Variants in ATF6 observed in about 807,000 individuals in gnomAD.
ATF6 encodes cyclic AMP-dependent transcription factor ATF-6 alpha.
A neutral mutation model predicts 83.6 loss-of-function variants in ATF6; 53 were observed. That is an observed-to-expected ratio of 0.63 (90% CI 0.51 to 0.80). ATF6 has a LOEUF of 0.80. ATF6 is among the 30% of genes least tolerant of loss of function. The pLI is 0.00. For synonymous variants in ATF6, 288 were observed against 285.8 expected, an observed-to-expected ratio of 1.01 and a Z score of -0.08; for missense variants, 744 against 797.9, an observed-to-expected ratio of 0.93 and a Z score of 0.81.
intron 14 of ATF6, among the ~76,000 whole-genome samples, chr1:161,869,759 A>T (rs900399783): frequency 1.1e-4 from 16 of 151,880 alleles, no homozygotes; most frequent in African/African-American, 3.4e-4. Flanking sequence ...CATTATGCCA[A>T]TAATGTTCTT....
At chr1:161,767,728 C>CAGACATG (rs1684298861) in intron 1 of ATF6, among the ~76,000 whole-genome samples, 3 of 152,200 alleles carry the variant, frequency 2.0e-5, no homozygotes, top group Non-Finnish European at 4.4e-5. Flanking sequence ...TAATGCTTTC[C>CAGACATG]TAACTCATGT....
chr1:161,792,352 T>C (rs764021639), intron 6 of ATF6, 25 bp downstream of exon 6: 35 of 1,599,756 alleles, frequency 2.2e-5, no homozygotes, highest in Non-Finnish European at 2.9e-5. Flanking sequence ...TTTAAGGCTG[T>C]GTAAATTTAT....
At chr1:161,939,396 A>G (rs1465039114) in intron 15 of ATF6, among the ~76,000 whole-genome samples, 1 of 152,224 alleles carries the variant, frequency 6.6e-6, no homozygotes, top group South Asian at 2.1e-4. Flanking sequence ...TACATGTGCC[A>G]TGTTGGTTTG....
intron 10 of ATF6, among the ~76,000 whole-genome samples, chr1:161,847,837 A>T (rs1469414701): frequency 1.3e-5 from 2 of 152,224 alleles, no homozygotes; most frequent in African/African-American, 4.8e-5. Context: ...TTATGGATTG[A>T]ATGCTTGAAA....
intron 15 of ATF6, among the ~76,000 whole-genome samples, chr1:161,918,996 A>T (rs909569872): frequency 6.6e-6 from 1 of 152,214 alleles, no homozygotes; most frequent in African/African-American, 2.4e-5. Flanking sequence ...AAGCCATGGA[A>T]GAAAGTTTCA....
At chr1:161,818,483 AAG>A (rs374246786) in intron 7 of ATF6, among the ~76,000 whole-genome samples, 1 of 152,132 alleles carries the variant, frequency 6.6e-6, no homozygotes, top group Non-Finnish European at 1.5e-5. Context: ...TAGGTGGGGA[AAG>A]AGAGAGAGAG....
At chr1:161,824,189 T>A (rs1685830965) in intron 9 of ATF6, among the ~76,000 whole-genome samples, 1 of 152,142 alleles carries the variant, frequency 6.6e-6, no homozygotes, top group South Asian at 2.1e-4. Context: ...CCTGTCACAT[T>A]GGCCTGTGTG....
intron 12 of ATF6, among the ~76,000 whole-genome samples, chr1:161,857,318 T>C (rs1396762184): frequency 2.6e-5 from 4 of 152,204 alleles, no homozygotes; most frequent in African/African-American, 4.8e-5. Context: ...TTATGTCTTA[T>C]AAAATATTCT....
At chr1:161,943,133 C>T (rs1245999100) in intron 15 of ATF6, among the ~76,000 whole-genome samples, 2 of 152,202 alleles carry the variant, frequency 1.3e-5, no homozygotes, top group Non-Finnish European at 2.9e-5. Context: ...GAATTACAGG[C>T]ATGAGCTACC....
At chr1:161,913,946 A>G (rs1571233123) in intron 15 of ATF6, among the ~76,000 whole-genome samples, 1 of 152,360 alleles carries the variant, frequency 6.6e-6, no homozygotes, top group East Asian at 1.9e-4. Context: ...ATATTAAGCC[A>G]AAACCAACAA....
intron 14 of ATF6, among the ~76,000 whole-genome samples, chr1:161,907,236 T>G (rs1436633785): frequency 6.6e-6 from 1 of 152,210 alleles, no homozygotes; most frequent in Non-Finnish European, 1.5e-5. Flanking sequence ...TCAACTTCTT[T>G]GACAGCTTGA....
chr1:161,785,450 G>GT (rs912701990), intron 4 of ATF6, among the ~76,000 whole-genome samples: 16 of 152,010 alleles, frequency 1.1e-4, no homozygotes, highest in African/African-American at 3.1e-4. Context: ...CCTGTACCTT[G>GT]TTTTTTTAGC....
chr1:161,912,185 TA>T, intron 14 of ATF6, 110 bp from the exon 15 acceptor site: 1 of 584,576 alleles, frequency 1.7e-6, no homozygotes, highest in Non-Finnish European at 2.9e-6. Flanking sequence ...ATAAAAACTA[TA>T]ATTTTTCATC....
chr1:161,862,467 T>C (rs1299458926), intron 13 of ATF6, among the ~76,000 whole-genome samples: 4 of 152,204 alleles, frequency 2.6e-5, no homozygotes, highest in Admixed American at 1.3e-4. Context: ...ACTGTATTTT[T>C]TGGGGCATGA....
intron 1 of ATF6, among the ~76,000 whole-genome samples, chr1:161,771,996 C>G (rs1432268104): frequency 6.6e-6 from 1 of 152,168 alleles, no homozygotes; most frequent in Non-Finnish European, 1.5e-5. Context: ...CTTGTCACTA[C>G]CAATAACATC....
At chr1:161,853,827 C>A (rs1011254125) in intron 12 of ATF6, among the ~76,000 whole-genome samples, 1 of 152,170 alleles carries the variant, frequency 6.6e-6, no homozygotes, top group African/African-American at 2.4e-5. Flanking sequence ...TGCCACAAAA[C>A]ACCATTAAGT....
chr1:161,941,821 A>T (rs1253051435), intron 15 of ATF6, among the ~76,000 whole-genome samples: 1 of 152,166 alleles, frequency 6.6e-6, no homozygotes, highest in Non-Finnish European at 1.5e-5. Flanking sequence ...GACTTAAAGA[A>T]AGTTTAGTCC....
intron 6 of ATF6, among the ~76,000 whole-genome samples, chr1:161,800,985 G>A (rs976140382): frequency 1.3e-5 from 2 of 152,092 alleles, no homozygotes; most frequent in Non-Finnish European, 2.9e-5. Flanking sequence ...TTTTTCTGCA[G>A]CGTTAACAGC....
rs1684257546 is a variant in ATF6 at position 161,766,340 on chromosome 1, C to A, written c.-21C>A. Reference sequence around the variant, plus strand: ...GTCCCAGATATTAATCACGGAGTTCCAGGGAGAAGGAACTTGTGAAATGGG... The same window carrying A: ...GTCCCAGATATTAATCACGGAGTTCAAGGGAGAAGGAACTTGTGAAATGGG... On this transcript the variant is annotated 5_prime_UTR_variant, in exon 1 of 16. Transcript: ENST00000367942. 1.2e-6 allele frequency: 2 copies of A among 1,611,392 alleles called. No individual in the cohort carries two copies. The highest frequency in any genetic ancestry group is 2.7e-5 in the African/African-American group (2 of 74,846).
Sources: gnomAD v4.1 joint callset for allele counts (sites outside exome capture counted in the v4.1 genomes callset) on GRCh38, gnomAD v4.1.1 for gene constraint, MANE v1.5 for transcripts, NCBI Gene and HGNC (gene_info 2026-07-23, HGNC 2026-07-21) for gene names.